MEGF10: variants seen among roughly 807,000 people sequenced by gnomAD.
MEGF10 encodes multiple EGF like domains 10.
A neutral mutation model predicts 147.5 loss-of-function variants in MEGF10; 86 were observed. The ratio of observed to expected loss-of-function variants is 0.58; its 90% CI spans 0.49 to 0.70. The LOEUF (loss-of-function observed/expected upper bound fraction) is 0.70. Among genes scored for constraint, MEGF10 ranks in the 30% least tolerant of loss-of-function variants. MEGF10 has a pLI of 0.00. For missense variants in MEGF10, 1,329 were observed against 1,487.3 expected, an observed-to-expected ratio of 0.89 and a Z score of 1.75; for synonymous variants, 478 against 525.5, an observed-to-expected ratio of 0.91 and a Z score of 1.24.
intron 12 of MEGF10, among the ~76,000 whole-genome samples, chr5:127,422,013 C>G (rs774465460): frequency 4.5e-4 from 66 of 147,372 alleles, no homozygotes; most frequent in Non-Finnish European, 7.3e-4. Flanking sequence ...AAAAAATGAC[C>G]CTGACCCACA....
upstream of MEGF10, among the ~76,000 whole-genome samples, chr5:127,289,262 A>G (rs9327435): frequency 1.3e-5 from 2 of 152,196 alleles, no homozygotes; most frequent in African/African-American, 4.8e-5. Context: ...ATTAAAAGGA[A>G]AGTGGGGCAA....
At chr5:127,430,135 A>G (rs1390234614) in intron 13 of MEGF10, among the ~76,000 whole-genome samples, 3 of 152,234 alleles carry the variant, frequency 2.0e-5, no homozygotes, top group Admixed American at 2.0e-4. Context: ...CATGATCCCC[A>G]GGCAGAGCAG....
chr5:127,398,393 A>G (rs1413019367), intron 6 of MEGF10, among the ~76,000 whole-genome samples: 1 of 152,190 alleles, frequency 6.6e-6, no homozygotes, highest in Non-Finnish European at 1.5e-5. Flanking sequence ...CCTGTCATCA[A>G]TGAGTGTTTG....
chr5:127,290,096 C>T (rs989774285), upstream of MEGF10, among the ~76,000 whole-genome samples: 13 of 152,284 alleles, frequency 8.5e-5, no homozygotes, highest in Non-Finnish European at 1.6e-4. Context: ...GGGGCCTCCT[C>T]GGCGAGTCGG....
intron 5 of MEGF10, among the ~76,000 whole-genome samples, chr5:127,388,385 G>A (rs1281873118): frequency 6.6e-6 from 1 of 152,010 alleles, no homozygotes; most frequent in Non-Finnish European, 1.5e-5. Context: ...TTGAGCTCAA[G>A]CAATCCACCC....
chr5:127,365,124 G>C (rs1762609001), intron 4 of MEGF10, among the ~76,000 whole-genome samples: 1 of 152,136 alleles, frequency 6.6e-6, no homozygotes, highest in African/African-American at 2.4e-5. Flanking sequence ...CAGAATAAAA[G>C]GAACTTCTGG....
the MEGF10 span, among the ~76,000 whole-genome samples, chr5:127,280,719 T>C: frequency 6.6e-6 from 1 of 152,186 alleles, no homozygotes; most frequent in African/African-American, 2.4e-5. Context: ...GACAGTGTTC[T>C]GTAGCCACTG....
rs550122647 is a variant in MEGF10 at position 127,438,386 on chromosome 5, A to G, written c.2105-53A>G. 6.0e-5 allele frequency: 95 copies of G among 1,595,666 alleles called. 1 individual carries two copies. The South Asian group carries it at 1.1e-3, about 18-fold the overall frequency. ...TGTAGAGGTGGATGGAATTCTCCCT[A>G]CTTAGTATTGGCCTCAGAACTCTGA... On this transcript the variant is annotated intron_variant, in intron 16 of 24. Coordinates refer to ENST00000503335, the MANE Select transcript of MEGF10 (RefSeq NM_001256545.2).
rs531022134 is a variant in MEGF10, at chr5:127,290,879, C to T, written c.-196C>T. 38 of 152,314 alleles carry T rather than the reference C, an allele frequency of 2.5e-4. No individual in the cohort carries two copies. The highest frequency in any genetic ancestry group is 8.4e-4 in the African/African-American group (35 of 41,538). The allele number at this position is 152,314 out of a possible 1,614,324, so 9.4% of individuals were successfully genotyped here. A position where few individuals can be genotyped will look rare whatever the true frequency, so the allele number is the denominator to read the frequency against. On this transcript the variant is annotated 5_prime_UTR_variant, in exon 1 of 25. Coordinates refer to ENST00000503335, the MANE Select transcript of MEGF10 (RefSeq NM_001256545.2). ...GCGACTGGGAACGCGTTGAGACGTT[C>T]CTCTTTCCCGCTTCTCCACCTTTAC...
intron 5 of MEGF10, among the ~76,000 whole-genome samples, chr5:127,375,523 G>T (rs1335401984): frequency 6.6e-6 from 1 of 152,188 alleles, no homozygotes; most frequent in Non-Finnish European, 1.5e-5. Context: ...TTAAATTATT[G>T]TTTTTAAAAA....
rs543184825 is a variant in MEGF10 at position 127,353,357 on chromosome 5, C to T, written c.319+12727C>T. Among the ~76,000 whole-genome samples the T allele has an allele frequency of 5.3e-5, 8 of 152,284 alleles. No homozygotes were observed. The South Asian group carries it at 6.2e-4, about 12-fold the overall frequency. ...GGTTTCCAAACACATCTTTGAAACC[C>T]GACCTCTTAGCATGTTGGGGACTGC... On this transcript the variant is annotated intron_variant, in intron 4 of 24. Transcript: ENST00000503335.
At chr5:127,403,663 T>A (rs902029770) in intron 8 of MEGF10, among the ~76,000 whole-genome samples, 5 of 152,198 alleles carry the variant, frequency 3.3e-5, no homozygotes, top group Non-Finnish European at 5.9e-5. Flanking sequence ...TTTTGATTTT[T>A]AGATCCCACA....
intron 4 of MEGF10, among the ~76,000 whole-genome samples, chr5:127,353,982 T>G (rs1762186122): frequency 6.6e-6 from 1 of 152,218 alleles, no homozygotes; most frequent in East Asian, 1.9e-4. Context: ...TAAGAAGCCT[T>G]AACTCCCACA....
intron 4 of MEGF10, among the ~76,000 whole-genome samples, chr5:127,354,759 A>T (rs780876031): frequency 9.2e-5 from 14 of 152,214 alleles, no homozygotes; most frequent in Non-Finnish European, 2.1e-4. Flanking sequence ...GTCCCCAGAA[A>T]AAAATTACCT....
intron 1 of MEGF10, among the ~76,000 whole-genome samples, chr5:127,316,151 C>T (rs1466134473): frequency 1.3e-5 from 2 of 152,182 alleles, no homozygotes; most frequent in African/African-American, 4.8e-5. Flanking sequence ...CTTTGCTCTG[C>T]CTCCTTATCT....
chr5:127,408,651 G>A (rs1764426613), intron 8 of MEGF10, among the ~76,000 whole-genome samples: 1 of 152,168 alleles, frequency 6.6e-6, no homozygotes, highest in Non-Finnish European at 1.5e-5. Flanking sequence ...ATGGTTTGTT[G>A]AGCAGTTGAA....
At chr5:127,273,612 T>C in the MEGF10 span, among the ~76,000 whole-genome samples, 1 of 152,248 alleles carries the variant, frequency 6.6e-6, no homozygotes, top group South Asian at 2.1e-4. Flanking sequence ...TGAAACCAGA[T>C]AACCATAGCA....
intron 8 of MEGF10, among the ~76,000 whole-genome samples, chr5:127,407,416 CATA>C (rs1764375967): frequency 6.6e-6 from 1 of 152,146 alleles, no homozygotes; most frequent in African/African-American, 2.4e-5. Flanking sequence ...TGACATACAA[CATA>C]ATAATAGAAA....
intron 13 of MEGF10, chr5:127,424,447 G>C (rs896852673): frequency 1.7e-6 from 2 of 1,155,758 alleles, no homozygotes; most frequent in Non-Finnish European, 2.5e-6. Flanking sequence ...TGAATCTATA[G>C]ATCAATTTGG....
Sources: gnomAD v4.1 joint callset for allele counts (sites outside exome capture counted in the v4.1 genomes callset) on GRCh38, gnomAD v4.1.1 for gene constraint, MANE v1.5 for transcripts, NCBI Gene and HGNC (gene_info 2026-07-23, HGNC 2026-07-21) for gene names.